Variants in ZEB1 observed in about 807,000 individuals in gnomAD.
ZEB1 encodes zinc finger E-box-binding homeobox 1.
In ZEB1, 21 loss-of-function variants were observed where a neutral mutation model predicts 84.9. The observed-to-expected ratio is 0.25, with a 90% CI of 0.18 to 0.36. The LOEUF (loss-of-function observed/expected upper bound fraction) is 0.36. Ranked by LOEUF, ZEB1 falls within the 10% of genes least tolerant of loss-of-function variation. The pLI, the probability that ZEB1 is intolerant of heterozygous loss-of-function variation, is 1.00. For synonymous variants in ZEB1, 420 were observed against 471.1 expected, an observed-to-expected ratio of 0.89 and a Z score of 1.41; for missense variants, 1,104 against 1,330.2, an observed-to-expected ratio of 0.83 and a Z score of 2.65.
chr10:31,349,484 A>G (rs1156949728), intron 1 of ZEB1, among the ~76,000 whole-genome samples: 1 of 152,186 alleles, frequency 6.6e-6, no homozygotes, highest in African/African-American at 2.4e-5. Context: ...TTAGTTTTTG[A>G]GGACCCTCCA....
rs545253518 is a variant in ZEB1, at chr10:31,487,229, A to G, written c.260-8547A>G. The stretch of plus-strand genomic sequence containing the variant: ...TTTATTTTTCAAAATCATTTTGGCT[A>G]TTATAGTTCCTTTGCCTTTTCATAT... On this transcript the variant is annotated intron_variant, in intron 2 of 8. Transcript: ENST00000424869. Among the ~76,000 whole-genome samples the G allele has an allele frequency of 4.6e-5, 7 of 151,450 alleles. No individual in the cohort carries two copies. In the South Asian group the frequency reaches 1.5e-3, roughly 31 times the overall value.
intron 1 of ZEB1, among the ~76,000 whole-genome samples, chr10:31,402,503 G>A (rs887403349): frequency 6.6e-6 from 1 of 152,156 alleles, no homozygotes; most frequent in South Asian, 2.1e-4. Context: ...TGAGCATTAA[G>A]AAAATTTTTG....
In ZEB1 at chr10:31,528,035, A is replaced by G. The variant is rs1354639105; in HGVS notation, c.*771A>G. ...ATGTTAATCTGATAAGGACAGCAAA[A>G]TCATCAGAATCAGTGTTTGTGATTG... On this transcript the variant is annotated 3_prime_UTR_variant, in exon 9 of 9. Transcript: ENST00000424869. 3 of 152,226 alleles carry G rather than the reference A, an allele frequency of 2.0e-5. No individual in the cohort carries two copies. The highest frequency in any genetic ancestry group is 2.9e-5 in the Non-Finnish European group (2 of 68,046). The allele number at this position is 152,226 out of a possible 1,614,324, so 9.4% of individuals were successfully genotyped here.
intron 1 of ZEB1, among the ~76,000 whole-genome samples, chr10:31,327,074 A>G (rs911645752): frequency 3.6e-5 from 4 of 110,048 alleles, no homozygotes; most frequent in Non-Finnish European, 8.2e-5. Flanking sequence ...TTGCTCTATC[A>G]TTTACTTTCT....
chr10:31,425,523 G>A (rs1338357296), intron 1 of ZEB1, among the ~76,000 whole-genome samples: 1 of 151,960 alleles, frequency 6.6e-6, no homozygotes, highest in Non-Finnish European at 1.5e-5. Flanking sequence ...AAATTACTGT[G>A]TATATATTCT....
chr10:31,480,903 A>C (rs1230804029), intron 2 of ZEB1, among the ~76,000 whole-genome samples: 1 of 152,000 alleles, frequency 6.6e-6, no homozygotes, highest in Non-Finnish European at 1.5e-5. Flanking sequence ...TGTATTTTTC[A>C]TTCTCCCTAT....
At chr10:31,398,263 T>G (rs1003378204) in intron 1 of ZEB1, among the ~76,000 whole-genome samples, 15 of 152,196 alleles carry the variant, frequency 9.9e-5, no homozygotes, top group Non-Finnish European at 2.1e-4. Flanking sequence ...ATACTATTCA[T>G]TGGTTTATTC....
intron 6 of ZEB1, among the ~76,000 whole-genome samples, chr10:31,515,570 C>CA (rs1331152624): frequency 1.3e-5 from 2 of 151,842 alleles, no homozygotes; most frequent in Non-Finnish European, 2.9e-5. Flanking sequence ...CATCTTCCTA[C>CA]AAAAAAAGTA....
intron 1 of ZEB1, chr10:31,363,394 T>G: frequency 1.3e-6 from 2 of 1,534,586 alleles, no homozygotes; most frequent in Non-Finnish European, 1.7e-6. Context: ...AGTCTGATTC[T>G]TTTCTGTCAA....
intron 1 of ZEB1, among the ~76,000 whole-genome samples, chr10:31,365,833 A>G (rs949717748): frequency 5.3e-5 from 8 of 152,246 alleles, no homozygotes; most frequent in African/African-American, 1.7e-4. Context: ...AACATTTTAC[A>G]TGATCAGCTA....
chr10:31,334,432 T>G (rs1353696874), intron 1 of ZEB1, among the ~76,000 whole-genome samples: 1 of 152,206 alleles, frequency 6.6e-6, no homozygotes, highest in African/African-American at 2.4e-5. Flanking sequence ...AGCAGTAAAT[T>G]ATTGTACACG....
chr10:31,473,597 C>G (rs1179114297), intron 2 of ZEB1, among the ~76,000 whole-genome samples: 39 of 149,366 alleles, frequency 2.6e-4, no homozygotes, highest in African/African-American at 6.4e-4. Flanking sequence ...ATGCTCATGG[C>G]TAGGAAGAAT....
chr10:31,342,179 AG>A (rs1464485354), intron 1 of ZEB1, among the ~76,000 whole-genome samples: 1 of 152,210 alleles, frequency 6.6e-6, no homozygotes, highest in African/African-American at 2.4e-5. Flanking sequence ...CATACAGAAT[AG>A]GCTCAAATAC....
intron 1 of ZEB1, among the ~76,000 whole-genome samples, chr10:31,326,002 T>C (rs1453649696): frequency 6.7e-6 from 1 of 149,102 alleles, no homozygotes; most frequent in Non-Finnish European, 1.5e-5. Flanking sequence ...TAGTGCTGAG[T>C]GTAACTAGTT....
chr10:31,362,774 C>T lies in ZEB1; in HGVS notation c.58+43482C>T, dbSNP rs189486619. 1.9e-4 allele frequency: 125 copies of T among 662,642 alleles called. 1 individual carries two copies. In the East Asian group the frequency reaches 3.0e-3, roughly 16 times the overall value. The allele number at this position is 662,642 out of a possible 1,614,324, so 41.0% of individuals were successfully genotyped here. A position where few individuals can be genotyped will look rare whatever the true frequency, so the allele number is the denominator to read the frequency against. ...CAATCTCTTGATCTCCTGATCCGCC[C>T]GCCTGGGCCTCCCAAAGTGCTGGAT... On this transcript the variant is annotated intron_variant, in intron 1 of 8. Transcript: ENST00000424869.
At chr10:31,416,777 A>G (rs2055288249) in intron 1 of ZEB1, among the ~76,000 whole-genome samples, 1 of 152,140 alleles carries the variant, frequency 6.6e-6, no homozygotes, top group South Asian at 2.1e-4. Flanking sequence ...ATGGGCACAT[A>G]TTTACCAAAT....
upstream of ZEB1, chr10:31,318,690 G>T (rs1249450095): frequency 6.1e-6 from 1 of 163,480 alleles, no homozygotes; most frequent in African/African-American, 2.4e-5. Context: ...CTTGGCCCCG[G>T]GGTGCGGGGG....
chr10:31,400,607 GT>G (rs1162940061), intron 1 of ZEB1, among the ~76,000 whole-genome samples: 2 of 151,978 alleles, frequency 1.3e-5, no homozygotes, highest in African/African-American at 2.4e-5. Flanking sequence ...ATTAAAAGTA[GT>G]CATTTAGTAC....
At chr10:31,405,948 G>A (rs1385510313) in intron 1 of ZEB1, among the ~76,000 whole-genome samples, 1 of 152,042 alleles carries the variant, frequency 6.6e-6, no homozygotes, top group East Asian at 1.9e-4. Flanking sequence ...GCGGTGTTTG[G>A]TTTTCTGTTC....
Sources: gnomAD v4.1 joint callset for allele counts (sites outside exome capture counted in the v4.1 genomes callset) on GRCh38, gnomAD v4.1.1 for gene constraint, MANE v1.5 for transcripts, NCBI Gene and HGNC (gene_info 2026-07-23, HGNC 2026-07-21) for gene names.